Variants in NEMP2 observed in about 807,000 individuals in gnomAD.
NEMP2 encodes the protein nuclear envelope integral membrane protein 2.
Under a neutral mutation model 54.2 loss-of-function variants are expected in NEMP2, and 53 were observed. The observed-to-expected ratio is 0.98, with a 90% CI of 0.78 to 1.23. NEMP2 has a LOEUF of 1.23. Ranked by LOEUF, NEMP2 falls within the 50% of genes most tolerant of loss-of-function variation. NEMP2 has a pLI of 0.00. For synonymous variants in NEMP2, 197 were observed against 190.3 expected (o/e 1.04, Z -0.29); for missense variants, 455 against 511.3 (o/e 0.89, Z 1.06).
Position 190,509,787 on chromosome 2 carries a change from C to A in NEMP2, c.1131-475G>T, listed in dbSNP as rs1257491626. On this transcript the variant is annotated intron_variant, in intron 8 of 8. Coordinates refer to ENST00000409150, the MANE Select transcript of NEMP2 (RefSeq NM_001142645.2). The surrounding 1 kb of genome is among the most constrained non-coding windows in gnomAD (Gnocchi z 6.1). Reference sequence around the variant, plus strand: ...GGGTGCGGTGGCTCATGCCTGTAATCCCAGCACTTTGGGAGGCCAAGGCAG... The same window carrying A: ...GGGTGCGGTGGCTCATGCCTGTAATACCAGCACTTTGGGAGGCCAAGGCAG... 6.6e-6 allele frequency among the ~76,000 whole-genome samples: 1 copy of A among 152,186 alleles called. No homozygotes were observed. The highest frequency in any genetic ancestry group is 2.1e-4 in the South Asian group (1 of 4,830).
At chr2:190,504,139 G>A (rs1690130731), downstream of NEMP2, among the ~76,000 whole-genome samples, 1 of 152,238 alleles carries the variant, frequency 6.6e-6, no homozygotes, top group African/African-American at 2.4e-5. The surrounding 1 kb of genome is among the most constrained non-coding windows in gnomAD (Gnocchi z 5.6). Flanking sequence ...CTCTGCCAGT[G>A]AGAACTTACA....
Position 190,528,571 on chromosome 2 carries a change from G to T in NEMP2, c.98-3193C>A, listed in dbSNP as rs1691029276. ...GATAATAATGTTTACTTCCAGACAGGTCTTTCTTCACCACCCATGTGCTCA... is the reference window on the plus strand; with the variant it reads ...GATAATAATGTTTACTTCCAGACAGTTCTTTCTTCACCACCCATGTGCTCA... On this transcript the variant is annotated intron_variant, in intron 1 of 8. Coordinates refer to ENST00000409150, the MANE Select transcript of NEMP2 (RefSeq NM_001142645.2). The surrounding 1 kb of genome is among the most constrained non-coding windows in gnomAD (Gnocchi z 4.3). 6.6e-6 allele frequency among the ~76,000 whole-genome samples: 1 copy of T among 152,154 alleles called. No homozygotes were observed. Among genetic ancestry groups the T allele is most frequent in the South Asian group, 2.1e-4 (1 of 4,824 alleles).
At chr2:190,435,206 T>G in the NEMP2 span, 1 of 152,342 alleles carries the variant, frequency 6.6e-6, no homozygotes, top group Non-Finnish European at 1.5e-5. Flanking sequence ...CTCTTATTAG[T>G]TAAACCTGCC....
chr2:190,469,288 T>G, the NEMP2 span, among the ~76,000 whole-genome samples: 1 of 152,170 alleles, frequency 6.6e-6, no homozygotes, highest in Non-Finnish European at 1.5e-5. This position sits in a 1 kb window ranked among gnomAD's most constrained non-coding sequence, Gnocchi z 5.3. Flanking sequence ...TTGGGTATTA[T>G]GAGCAAGGCC....
At chr2:190,485,778 T>C in the NEMP2 span, among the ~76,000 whole-genome samples, 1 of 150,856 alleles carries the variant, frequency 6.6e-6, no homozygotes, top group African/African-American at 2.4e-5. The surrounding 1 kb of genome is among the most constrained non-coding windows in gnomAD (Gnocchi z 5.1). Context: ...ATGCTACTGC[T>C]AATCATCTAG....
chr2:190,578,635 C>T, the NEMP2 span, among the ~76,000 whole-genome samples: 6 of 151,818 alleles, frequency 4.0e-5, no homozygotes, highest in East Asian at 1.9e-4. The surrounding 1 kb of genome is among the most constrained non-coding windows in gnomAD (Gnocchi z 4.4). Context: ...ACTGCCTGGG[C>T]GTGTATCTGA....
the NEMP2 span, among the ~76,000 whole-genome samples, chr2:190,448,573 A>C: frequency 8.5e-5 from 13 of 152,232 alleles, no homozygotes; most frequent in Admixed American, 2.6e-4. Context: ...AAAATAATAC[A>C]CAATTCAGTA....
the NEMP2 span, chr2:190,465,004 G>A: frequency 1.0e-4 from 71 of 687,396 alleles, no homozygotes; most frequent in Non-Finnish European, 1.2e-4. This position sits in a 1 kb window ranked among gnomAD's most constrained non-coding sequence, Gnocchi z 4.6. Flanking sequence ...ATTACAGAAT[G>A]ACTCATAATT....
At chr2:190,565,001 T>C in the NEMP2 span, among the ~76,000 whole-genome samples, 1 of 152,152 alleles carries the variant, frequency 6.6e-6, no homozygotes, top group African/African-American at 2.4e-5. Flanking sequence ...GCTCAAGACT[T>C]GGAGTCATCA....
the NEMP2 span, among the ~76,000 whole-genome samples, chr2:190,450,707 A>G: frequency 3.7e-4 from 56 of 152,052 alleles, no homozygotes; most frequent in South Asian, 8.3e-4. Flanking sequence ...TGGCCAGGCT[A>G]GTCTTAAACT....
At chr2:190,603,797 C>A in the NEMP2 span, among the ~76,000 whole-genome samples, 1 of 151,868 alleles carries the variant, frequency 6.6e-6, no homozygotes, top group Non-Finnish European at 1.5e-5. Context: ...AAAAATCTTA[C>A]ATGCAGCTAA....
the NEMP2 span, chr2:190,437,325 C>T: frequency 2.5e-6 from 4 of 1,614,252 alleles, no homozygotes; most frequent in Middle Eastern, 3.3e-4. The surrounding 1 kb of genome is among the most constrained non-coding windows in gnomAD (Gnocchi z 5.9). Context: ...ACTCGCAGGC[C>T]TTCAACTTTT....
chr2:190,560,188 AT>A, the NEMP2 span, among the ~76,000 whole-genome samples: 1 of 152,200 alleles, frequency 6.6e-6, no homozygotes, highest in Non-Finnish European at 1.5e-5. This position sits in a 1 kb window ranked among gnomAD's most constrained non-coding sequence, Gnocchi z 5.4. Flanking sequence ...AAGAGGACTG[AT>A]TTAAGGTAGG....
the NEMP2 span, among the ~76,000 whole-genome samples, chr2:190,426,361 G>A: frequency 2.6e-5 from 4 of 151,984 alleles, no homozygotes; most frequent in African/African-American, 9.7e-5. This position sits in a 1 kb window ranked among gnomAD's most constrained non-coding sequence, Gnocchi z 4.7. Context: ...TTTTGTGGTT[G>A]TATTTTCCAG....
At chr2:190,572,863 A>ATATATATATG in the NEMP2 span, among the ~76,000 whole-genome samples, 3 of 128,924 alleles carry the variant, frequency 2.3e-5, no homozygotes, top group African/African-American at 8.8e-5. Context: ...ATATATATAT[A>ATATATATATG]TATATATATA....
chr2:190,537,292 G>T (rs934028678), upstream of NEMP2, among the ~76,000 whole-genome samples: 3 of 152,178 alleles, frequency 2.0e-5, no homozygotes, highest in African/African-American at 7.2e-5. Flanking sequence ...AGGTCGATAT[G>T]GTTTGGCTGT....
At chr2:190,556,647 G>A in the NEMP2 span, among the ~76,000 whole-genome samples, 2 of 152,118 alleles carry the variant, frequency 1.3e-5, no homozygotes, top group South Asian at 4.1e-4. Flanking sequence ...GATACAAAAT[G>A]AATGTGCAAA....
the NEMP2 span, among the ~76,000 whole-genome samples, chr2:190,466,181 C>T: frequency 6.6e-6 from 1 of 152,112 alleles, no homozygotes; most frequent in African/African-American, 2.4e-5. Flanking sequence ...CATCATTTTA[C>T]CTAATTACCT....
chr2:190,474,494 C>T, the NEMP2 span, among the ~76,000 whole-genome samples: 9 of 152,296 alleles, frequency 5.9e-5, no homozygotes, highest in East Asian at 1.5e-3. Flanking sequence ...TTGACACAAA[C>T]AACCTCCCAA....
Sources: gnomAD v4.1 joint callset for allele counts (sites outside exome capture counted in the v4.1 genomes callset) on GRCh38, gnomAD v4.1.1 for gene constraint, Gnocchi (gnomAD v3.1) non-coding constraint, MANE v1.5 for transcripts, NCBI Gene and HGNC (gene_info 2026-07-23, HGNC 2026-07-21) for gene names.